CACHD1: variants seen among roughly 807,000 people sequenced by gnomAD.
The protein encoded by CACHD1 is VWFA and cache domain-containing protein 1.
CACHD1 carries 71 observed loss-of-function variants against 138.7 expected under a neutral mutation model. The ratio of observed to expected loss-of-function variants is 0.51; its 90% CI spans 0.42 to 0.62. The LOEUF (loss-of-function observed/expected upper bound fraction) is 0.62. Among genes scored for constraint, CACHD1 ranks in the 20% least tolerant of loss-of-function variants. CACHD1 has a pLI of 0.00. For synonymous variants in CACHD1, 578 were observed against 591.5 expected (o/e 0.98, Z 0.33); for missense variants, 1,389 against 1,625.3 (o/e 0.85, Z 2.50).
intron 1 of CACHD1, among the ~76,000 whole-genome samples, chr1:64,543,148 G>T (rs369153341): frequency 1.3e-5 from 2 of 151,794 alleles, no homozygotes; most frequent in African/African-American, 2.4e-5. Flanking sequence ...GTTTCCTATT[G>T]TTGGATACTT....
chr1:64,661,286 G>A (rs749817418), intron 13 of CACHD1, among the ~76,000 whole-genome samples: 1 of 151,812 alleles, frequency 6.6e-6, no homozygotes, highest in East Asian at 1.9e-4. Flanking sequence ...AAGAGACAAA[G>A]AAAAAATTTT....
At chr1:64,496,859 G>C (rs1226096881) in intron 1 of CACHD1, among the ~76,000 whole-genome samples, 3 of 138,134 alleles carry the variant, frequency 2.2e-5, no homozygotes, top group Non-Finnish European at 4.6e-5. Context: ...CTTAGAAGTT[G>C]TCTCAAAAAA....
rs375516925 is a variant in CACHD1 at position 64,658,815 on chromosome 1, G to A, written c.1893G>A (p.Arg631=). The change falls in exon 13 of 27, where the codon CGG becomes CGA. Residue 631 remains arginine, a synonymous_variant. Coordinates refer to ENST00000651257, the MANE Select transcript of CACHD1 (RefSeq NM_020925.4). ...CCAGCAGCAAGCTGCTGTACCACCG[G>A]CTGGATCTCCTTGGCCAGCCCAGTG... ...TVPSSKLLYH[R]LDLLGQPSAC... is the part of the protein sequence containing the mutation. 29 of 1,595,404 alleles carry A rather than the reference G, an allele frequency of 1.8e-5. No homozygotes were observed. The highest frequency in any genetic ancestry group is 2.4e-5 in the Non-Finnish European group (28 of 1,168,796).
At position 64,543,565 on chromosome 1, in the gene CACHD1, G is replaced by C. The variant is rs1323009137; in HGVS notation, c.199-7029G>C. Among the ~76,000 whole-genome samples the C allele has an allele frequency of 5.3e-5, 8 of 151,762 alleles. No individual in the cohort carries two copies. The East Asian group carries it at 1.4e-3, about 26-fold the overall frequency. The stretch of plus-strand genomic sequence containing the variant: ...CACTCCAGCCTGGGTAGCACAGTGA[G>C]ACTGTCTCTAAAATAATAATTTTAA... On this transcript the variant is annotated intron_variant, in intron 1 of 26. Transcript: ENST00000651257.
Position 64,470,730 on chromosome 1 carries a change from G to A in CACHD1, c.-15G>A, listed in dbSNP as rs1054396048. ...CGCGCCCGGAGCCCGTCGGCGGGGA[G>A]TGGGGGGAGGCAGCATGGCCCGCCA... On this transcript the variant is annotated 5_prime_UTR_variant, in exon 1 of 27. It adds an upstream start codon to the 5' untranslated region. Transcript: ENST00000651257. This position sits in a 1 kb window ranked among gnomAD's most constrained non-coding sequence, Gnocchi z 5.2. The A allele has an allele frequency of 5.2e-5, 29 of 562,970 alleles. No homozygotes were observed. In the East Asian group the frequency reaches 9.4e-4, roughly 18 times the overall value. The allele number at this position is 562,970 out of a possible 1,614,324, so 34.9% of individuals were successfully genotyped here.
intron 14 of CACHD1, 106 bp downstream of exon 14, chr1:64,663,943 CCT>C: frequency 7.0e-7 from 1 of 1,424,924 alleles, no homozygotes; most frequent in Non-Finnish European, 9.6e-7. Context: ...TGCATCTGTG[CCT>C]CTCAGCTGGA....
rs1314965089 is a variant in CACHD1, at chr1:64,550,529, C to T, written c.199-65C>T. ...CTATTTGTTGTAAACAAATTATTCA[C>T]ATACACACTCATGTAGAAAATGACT... is the stretch of plus-strand genomic sequence containing the variant. On this transcript the variant is annotated intron_variant, in intron 1 of 26. Coordinates refer to ENST00000651257, the MANE Select transcript of CACHD1 (RefSeq NM_020925.4). The T allele has an allele frequency of 3.6e-6, 4 of 1,126,166 alleles. No homozygotes were observed. In the African/African-American group the frequency reaches 4.6e-5, roughly 13 times the overall value. The allele number at this position is 1,126,166 out of a possible 1,614,324, so 69.8% of individuals were successfully genotyped here.
chr1:64,567,673 T>C (rs980122882), intron 2 of CACHD1, among the ~76,000 whole-genome samples: 1 of 152,220 alleles, frequency 6.6e-6, no homozygotes, highest in African/African-American at 2.4e-5. Context: ...TTCTTAACCA[T>C]GTTCTAAAAA....
At chr1:64,518,553 G>T (rs1399448954) in intron 1 of CACHD1, among the ~76,000 whole-genome samples, 1 of 152,172 alleles carries the variant, frequency 6.6e-6, no homozygotes, top group African/African-American at 2.4e-5. Context: ...ATGGAAGCAG[G>T]TCTAAGATGC....
intron 1 of CACHD1, among the ~76,000 whole-genome samples, chr1:64,492,295 G>C (rs1646280833): frequency 1.4e-5 from 2 of 145,526 alleles, no homozygotes; most frequent in Non-Finnish European, 3.0e-5. Flanking sequence ...GGAATTCTTT[G>C]TTGCTTGAAG....
At position 64,583,167 on chromosome 1, in the gene CACHD1, CAT is replaced by C. The variant is rs1475329225; in HGVS notation, c.410+865_410+866del. ...TGGTGGTTAAATGATGCTTTGTTTC[CAT>C]AAGCAAGTTTTTACTTATTATGATT... On this transcript the variant is annotated intron_variant, in intron 3 of 26. Transcript: ENST00000651257. 4.6e-5 allele frequency among the ~76,000 whole-genome samples: 7 copies of C among 152,236 alleles called. No individual in the cohort carries two copies. The East Asian group carries it at 1.4e-3, about 29-fold the overall frequency.
At chr1:64,642,360 G>A (rs1648746590) in intron 8 of CACHD1, among the ~76,000 whole-genome samples, 1 of 152,116 alleles carries the variant, frequency 6.6e-6, no homozygotes, top group East Asian at 1.9e-4. Context: ...AACCCAATCT[G>A]TGAATATCAC....
rs1427239683 is a variant in CACHD1 at position 64,664,519 on chromosome 1, A to G, written c.2116A>G (p.Met706Val). The change falls in exon 15 of 27, where the codon ATG becomes GTG. Residue 706 changes from methionine to valine, a missense_variant. This residue lies in a region of CACHD1 where 1,000 missense variants were observed against 1,114.7 expected (regional missense o/e 0.90). Transcript: ENST00000651257. The part of the protein sequence containing the change: ...GLKFSVRNEV[M>V]ATSHVTDEWM... ...CCAGTTCTCTGTCAGAAATGAAGTA[A>G]TGGCTACCAGCCACGTCACAGATGA... 5.0e-6 allele frequency: 8 copies of G among 1,614,072 alleles called. No homozygotes were observed. Among genetic ancestry groups the G allele is most frequent in the African/African-American group, 1.3e-5 (1 of 74,944 alleles).
At chr1:64,626,944 T>C (rs78174749) in intron 4 of CACHD1, among the ~76,000 whole-genome samples, 1 of 150,290 alleles carries the variant, frequency 6.7e-6, no homozygotes, top group Non-Finnish European at 1.5e-5. Context: ...GGATTTAGTA[T>C]TTTTTTTTTC....
At position 64,669,431 on chromosome 1, in the gene CACHD1, T is replaced by G. The variant is rs544717411; in HGVS notation, c.2388-2133T>G. 2.0e-3 allele frequency among the ~76,000 whole-genome samples: 303 copies of G among 152,344 alleles called. 2 individuals are homozygous for G. The highest frequency in any genetic ancestry group is 7.0e-3 in the African/African-American group (292 of 41,580). On this transcript the variant is annotated intron_variant, in intron 16 of 26. Coordinates refer to ENST00000651257, the MANE Select transcript of CACHD1 (RefSeq NM_020925.4). Reference sequence around the variant, plus strand: ...TCCCATGAACTCAGTTTTCAGTGGTTTGGCTGAGAATTAGAGGCATTTTCT... The same window carrying G: ...TCCCATGAACTCAGTTTTCAGTGGTGTGGCTGAGAATTAGAGGCATTTTCT...
chr1:64,471,606 T>A (rs1370912497), intron 1 of CACHD1, among the ~76,000 whole-genome samples: 2 of 152,226 alleles, frequency 1.3e-5, no homozygotes, highest in African/African-American at 2.4e-5. Flanking sequence ...GACTCCCGAC[T>A]CTAATCCTGC....
intron 1 of CACHD1, among the ~76,000 whole-genome samples, chr1:64,535,550 C>A (rs969412395): frequency 6.6e-6 from 1 of 152,062 alleles, no homozygotes; most frequent in Non-Finnish European, 1.5e-5. Flanking sequence ...GTCTCGTACT[C>A]CTGACCTCAG....
chr1:64,634,030 T>C lies in CACHD1; in HGVS notation c.790-14T>C. ...AACAAGTTTGGTGGTTTTTTTTTTTTTTCTTTCCTGCAGATTTCTGTGTTA... is the reference window on the plus strand; with the variant it reads ...AACAAGTTTGGTGGTTTTTTTTTTTCTTCTTTCCTGCAGATTTCTGTGTTA... On this transcript the variant is annotated splice_polypyrimidine_tract_variant and intron_variant, in intron 6 of 26. Transcript: ENST00000651257. The C allele has an allele frequency of 1.9e-6, 3 of 1,576,332 alleles. No homozygotes were observed. Among genetic ancestry groups the C allele is most frequent in the Non-Finnish European group, 2.6e-6 (3 of 1,163,158 alleles).
chr1:64,599,188 A>G (rs1647189841), intron 3 of CACHD1, among the ~76,000 whole-genome samples: 1 of 152,274 alleles, frequency 6.6e-6, no homozygotes, highest in East Asian at 1.9e-4. Flanking sequence ...TCTGTTGTTC[A>G]TGAACCAGCT....
Sources: gnomAD v4.1 joint callset for allele counts (sites outside exome capture counted in the v4.1 genomes callset) on GRCh38, gnomAD v4.1.1 for gene constraint, gnomAD v4.1.1 regional missense constraint, Gnocchi (gnomAD v3.1) non-coding constraint, MANE v1.5 for transcripts, NCBI Gene and HGNC (gene_info 2026-07-23, HGNC 2026-07-21) for gene names.